The following ADGRL3 variants were observed in gnomAD, a reference collection of about 807,000 sequenced individuals.
The protein encoded by ADGRL3 is calcium-independent alpha-latrotoxin receptor 3.
Under a neutral mutation model 153.5 loss-of-function variants are expected in ADGRL3, and 62 were observed. The observed-to-expected ratio is 0.40, with a 90% CI of 0.33 to 0.50. The LOEUF is 0.50. Among genes scored for constraint, ADGRL3 ranks in the 20% least tolerant of loss-of-function variants. The probability of loss-of-function intolerance (pLI) is 0.47; values close to 1 mark genes in which losing one functional copy is unlikely to be tolerated. For missense variants in ADGRL3, 1,641 were observed against 1,859.4 expected, an observed-to-expected ratio of 0.88 and a Z score of 2.16; for synonymous variants, 710 against 672.5, an observed-to-expected ratio of 1.06 and a Z score of -0.86.
At chr4:61,650,755 A>G (rs1353192144) in intron 5 of ADGRL3, among the ~76,000 whole-genome samples, 1 of 152,078 alleles carries the variant, frequency 6.6e-6, no homozygotes, top group Non-Finnish European at 1.5e-5. Flanking sequence ...TGACTTTCCA[A>G]CTGCAAGGTT....
chr4:61,754,833 T>C (rs1228128268), intron 8 of ADGRL3, among the ~76,000 whole-genome samples: 1 of 152,032 alleles, frequency 6.6e-6, no homozygotes, highest in East Asian at 1.9e-4. Context: ...TGTGTTCTCA[T>C]TGTTCAATTC....
chr4:61,972,220 G>T (rs1346665915), intron 17 of ADGRL3, among the ~76,000 whole-genome samples: 3 of 152,134 alleles, frequency 2.0e-5, no homozygotes, highest in African/African-American at 7.2e-5. Flanking sequence ...TTTTAGACAT[G>T]AAGTCCTTGC....
At chr4:61,421,672 C>T (rs1012748) in intron 2 of ADGRL3, among the ~76,000 whole-genome samples, 1 of 151,992 alleles carries the variant, frequency 6.6e-6, no homozygotes, top group African/African-American at 2.4e-5. Flanking sequence ...TTAATTATTT[C>T]TAACTTTATA....
chr4:61,657,748 T>C (rs2094480313), intron 5 of ADGRL3, among the ~76,000 whole-genome samples: 1 of 152,210 alleles, frequency 6.6e-6, no homozygotes, highest in Non-Finnish European at 1.5e-5. Flanking sequence ...TATAAATGTA[T>C]GCATATTGCA....
At chr4:61,865,306 A>G (rs2098389506) in intron 9 of ADGRL3, among the ~76,000 whole-genome samples, 2 of 152,200 alleles carry the variant, frequency 1.3e-5, no homozygotes, top group Non-Finnish European at 2.9e-5. Context: ...GAAAGAAATT[A>G]TTAGGCTTTT....
chr4:61,673,007 T>C (rs2095059360), intron 5 of ADGRL3, among the ~76,000 whole-genome samples: 1 of 151,878 alleles, frequency 6.6e-6, no homozygotes, highest in Admixed American at 6.6e-5. Flanking sequence ...GCCTTAAAAA[T>C]GAAGGAAACT....
chr4:61,518,623 A>T (rs2152907183), intron 4 of ADGRL3, among the ~76,000 whole-genome samples: 2 of 152,296 alleles, frequency 1.3e-5, no homozygotes, highest in Non-Finnish European at 2.9e-5. Context: ...AGCATGTGTA[A>T]CTTTGCATTC....
rs748324201 is a variant in ADGRL3 at position 61,892,837 on chromosome 4, A to C, written c.1662A>C (p.Ser554=). Residue 554 remains serine (S), a synonymous_variant, in exon 10 of 27, where the codon TCA becomes TCC. Coordinates refer to ENST00000683033, the MANE Select transcript of ADGRL3 (RefSeq NM_001387552.1). Reference sequence around the variant, plus strand: ...ATGACATGACCACACACCTTCCATCAGCATCGTCCCAAATCCCAGCTCTCG... The same window carrying C: ...ATGACATGACCACACACCTTCCATCCGCATCGTCCCAAATCCCAGCTCTCG... The part of the protein sequence containing the change: ...VLDDMTTHLP[S]ASSQIPALEE... The C allele has an allele frequency of 1.9e-6, 3 of 1,613,618 alleles. No homozygotes were observed. In the South Asian group the frequency reaches 3.3e-5, roughly 18 times the overall value.
chr4:61,786,821 A>C (rs2097281993), intron 8 of ADGRL3, among the ~76,000 whole-genome samples: 1 of 152,176 alleles, frequency 6.6e-6, no homozygotes, highest in South Asian at 2.1e-4. Flanking sequence ...TAGGCTTATT[A>C]ATGTATAAAT....
At position 61,956,504 on chromosome 4, in the gene ADGRL3, A is replaced by G. The variant is rs538326041; in HGVS notation, c.2805+8228A>G. The stretch of plus-strand genomic sequence containing the variant: ...TGTAGGTCACCTGTTCACACTGATG[A>G]TTGTTTCTTTCACTGTGCAGAAGCT... On this transcript the variant is annotated intron_variant, in intron 17 of 26. Transcript: ENST00000683033. 3.3e-5 allele frequency among the ~76,000 whole-genome samples: 5 copies of G among 152,042 alleles called. No homozygotes were observed. In the East Asian group the frequency reaches 9.7e-4, roughly 29 times the overall value.
At chr4:61,891,841 T>A (rs1015451699) in intron 9 of ADGRL3, among the ~76,000 whole-genome samples, 5 of 152,204 alleles carry the variant, frequency 3.3e-5, no homozygotes, top group Non-Finnish European at 5.9e-5. Flanking sequence ...TGAATATATT[T>A]TCCGAGAAAG....
At chr4:61,440,796 A>G (rs993728267) in intron 2 of ADGRL3, among the ~76,000 whole-genome samples, 2 of 152,090 alleles carry the variant, frequency 1.3e-5, no homozygotes, top group African/African-American at 2.4e-5. Flanking sequence ...CCTAGTAGTA[A>G]TGGTGGTAAT....
rs1251008876 is a variant in ADGRL3, at chr4:61,945,523, C to A, written c.2420-1391C>A. Among the ~76,000 whole-genome samples the A allele has an allele frequency of 5.1e-5, 7 of 136,228 alleles. No homozygotes were observed. The East Asian group carries it at 1.6e-3, about 31-fold the overall frequency. 89.4% of individuals were successfully genotyped at this position (136,228 alleles called of 152,430 possible). A position where few individuals can be genotyped will look rare whatever the true frequency, so the allele number is the denominator to read the frequency against. ...AGCAAGCCTGGGCAATGGCGGGCGC[C>A]CCTCCCCCAGCCTCGTTGCCACCTT... On this transcript the variant is annotated intron_variant, in intron 15 of 26. Coordinates refer to ENST00000683033, the MANE Select transcript of ADGRL3 (RefSeq NM_001387552.1).
Position 62,026,697 on chromosome 4 carries a change from A to G in ADGRL3, c.3396-2158A>G, listed in dbSNP as rs757457269. ...TAGGTCAGAGGAAACAAAGTAGCAG[A>G]TATGGAGGATGAACAAATCTAGAGA... On this transcript the variant is annotated intron_variant, in intron 21 of 26. Transcript: ENST00000683033. 9.9e-5 allele frequency among the ~76,000 whole-genome samples: 15 copies of G among 152,092 alleles called. 1 individual carries two copies. The highest frequency in any genetic ancestry group is 3.1e-4 in the African/African-American group (13 of 41,442).
rs767628272 is a variant in ADGRL3, at chr4:61,517,458, C to T, written c.199C>T (p.Arg67Cys). The change falls in exon 4 of 27, where the codon CGT (arginine) becomes TGT (cysteine). Residue 67 changes from arginine to cysteine, a missense_variant. Transcript: ENST00000683033. ...CGCTGCTCATCGTGGACAAGGGCCC[C>T]GTGGAGCTACCAGAGGAGTTCGCGG... is the stretch of plus-strand genomic sequence containing the variant. ...RTAAHRGQGP[R>C]GATRGVRGPG... 1 of 795,956 alleles carries T rather than the reference C, an allele frequency of 1.3e-6. No homozygotes were observed. The highest frequency in any genetic ancestry group is 1.4e-5 in the South Asian group (1 of 69,264). The allele number at this position is 795,956 out of a possible 1,614,324, so 49.3% of individuals were successfully genotyped here.
intron 4 of ADGRL3, among the ~76,000 whole-genome samples, chr4:61,553,363 A>G (rs2148845764): frequency 6.6e-6 from 1 of 152,348 alleles, no homozygotes; most frequent in East Asian, 1.9e-4. Context: ...TAAGCTTTCA[A>G]TACAGTAGAC....
chr4:61,451,331 A>C (rs2097670964), intron 2 of ADGRL3, among the ~76,000 whole-genome samples: 1 of 152,144 alleles, frequency 6.6e-6, no homozygotes, highest in Non-Finnish European at 1.5e-5. Flanking sequence ...AGTGTAACAT[A>C]TATAACATTT....
intron 21 of ADGRL3, among the ~76,000 whole-genome samples, chr4:62,007,218 C>T (rs1434704599): frequency 1.3e-5 from 2 of 150,694 alleles, no homozygotes; most frequent in Non-Finnish European, 3.0e-5. Flanking sequence ...TCAGAAGCCC[C>T]TTGCTGGTAT....
At chr4:61,316,206 T>C (rs906399984) in intron 1 of ADGRL3, among the ~76,000 whole-genome samples, 3 of 152,176 alleles carry the variant, frequency 2.0e-5, no homozygotes, top group Non-Finnish European at 1.5e-5. Context: ...GCCCAAATGA[T>C]ATGAAAGAGG....
Sources: gnomAD v4.1 joint callset for allele counts (sites outside exome capture counted in the v4.1 genomes callset) on GRCh38, gnomAD v4.1.1 for gene constraint, MANE v1.5 for transcripts, NCBI Gene and HGNC (gene_info 2026-07-23, HGNC 2026-07-21) for gene names.